The following SSBP3 variants were observed in gnomAD, a reference collection of about 807,000 sequenced individuals.
The protein encoded by SSBP3 is single-stranded DNA-binding protein 3.
A neutral mutation model predicts 69.6 loss-of-function variants in SSBP3; 5 were observed. That is an observed-to-expected ratio of 0.07 (90% CI 0.04 to 0.15). The LOEUF is 0.15. SSBP3 is among the 10% of genes least tolerant of loss of function. The pLI is 1.00. For synonymous variants in SSBP3, 196 were observed against 193.4 expected (o/e 1.01, Z -0.11); for missense variants, 312 against 534.0 (o/e 0.58, Z 4.10).
intron 4 of SSBP3, chr1:54,356,453 G>C (rs1204539302): frequency 6.6e-6 from 1 of 152,232 alleles, no homozygotes; most frequent in Non-Finnish European, 1.5e-5. Context: ...AAGGAGATGG[G>C]AATAAACAAT....
At chr1:54,253,816 G>A (rs1272993672) in intron 7 of SSBP3, among the ~76,000 whole-genome samples, 1 of 152,232 alleles carries the variant, frequency 6.6e-6, no homozygotes, top group Non-Finnish European at 1.5e-5. Flanking sequence ...CCCAGACAGT[G>A]CAGCCATGGG....
At chr1:54,261,546 AGAG>A (rs1242838682) in intron 5 of SSBP3, among the ~76,000 whole-genome samples, 2 of 152,142 alleles carry the variant, frequency 1.3e-5, no homozygotes, top group Non-Finnish European at 2.9e-5. Flanking sequence ...GTGGAAGGTG[AGAG>A]GAGGAGGGAG....
At chr1:54,409,864 T>C (rs1649943431), upstream of SSBP3, among the ~76,000 whole-genome samples, 1 of 152,202 alleles carries the variant, frequency 6.6e-6, no homozygotes, top group Non-Finnish European at 1.5e-5. Context: ...CCTTACCCCG[T>C]GGAACTTACA....
intron 4 of SSBP3, among the ~76,000 whole-genome samples, chr1:54,288,259 C>T (rs1390731703): frequency 5.3e-5 from 8 of 152,274 alleles, no homozygotes; most frequent in South Asian, 2.1e-4. Context: ...CCAGCTCTGG[C>T]GGCAAACCAC....
intron 4 of SSBP3, among the ~76,000 whole-genome samples, chr1:54,295,031 A>T (rs1267774887): frequency 6.6e-6 from 1 of 152,134 alleles, no homozygotes; most frequent in African/African-American, 2.4e-5. Flanking sequence ...TGGTTTTTGC[A>T]ATCAGAGACA....
chr1:54,329,997 A>G (rs2100443026), intron 4 of SSBP3, among the ~76,000 whole-genome samples: 1 of 152,294 alleles, frequency 6.6e-6, no homozygotes, highest in East Asian at 1.9e-4. Context: ...GCACGTTCAC[A>G]CCTGGCGCCC....
chr1:54,278,795 C>G (rs914629469), intron 5 of SSBP3, among the ~76,000 whole-genome samples: 2 of 152,266 alleles, frequency 1.3e-5, no homozygotes, highest in African/African-American at 4.8e-5. Flanking sequence ...CTTGGCCAAG[C>G]AGGGGAAGGA....
At chr1:54,382,407 A>G (rs1445644877) in intron 4 of SSBP3, among the ~76,000 whole-genome samples, 2 of 152,158 alleles carry the variant, frequency 1.3e-5, no homozygotes, top group Non-Finnish European at 2.9e-5. Context: ...AACCCCAGAT[A>G]AAGGGGAGGA....
At chr1:54,257,976 G>C (rs1644951935) in intron 6 of SSBP3, 93 bp downstream of exon 6, 23 of 1,247,868 alleles carry the variant, frequency 1.8e-5, no homozygotes, top group Non-Finnish European at 2.3e-5. Flanking sequence ...GCAGTGGCTA[G>C]AGCACATTTT....
At chr1:54,397,873 C>A (rs1649005914) in intron 4 of SSBP3, among the ~76,000 whole-genome samples, 1 of 152,182 alleles carries the variant, frequency 6.6e-6, no homozygotes, top group Non-Finnish European at 1.5e-5. Flanking sequence ...CCACAACAAA[C>A]CCCCTTCCCA....
intron 4 of SSBP3, among the ~76,000 whole-genome samples, chr1:54,384,454 G>A (rs756535984): frequency 1.3e-5 from 2 of 152,256 alleles, no homozygotes; most frequent in Non-Finnish European, 2.9e-5. Context: ...GCCAACAAAT[G>A]TTGAGTGGGG....
At chr1:54,257,983 T>C in intron 6 of SSBP3, 86 bp downstream of exon 6, 1 of 1,309,284 alleles carries the variant, frequency 7.6e-7, no homozygotes, top group South Asian at 1.4e-5. Flanking sequence ...CTAGAGCACA[T>C]TTTGATTTTT....
intron 4 of SSBP3, among the ~76,000 whole-genome samples, chr1:54,315,092 G>A (rs751414055): frequency 6.6e-6 from 1 of 152,130 alleles, no homozygotes; most frequent in African/African-American, 2.4e-5. Context: ...TATTCCCACT[G>A]AGCTTGGTGC....
chr1:54,226,904 G>C (rs1644293753), exon 18 of SSBP3: 1 of 558,182 alleles, frequency 1.8e-6, no homozygotes, highest in East Asian at 3.2e-5. Context: ...ATACATTTTT[G>C]AGAGTTTTGT....
chr1:54,252,428 G>A (rs1015120242), intron 7 of SSBP3, among the ~76,000 whole-genome samples: 2 of 152,220 alleles, frequency 1.3e-5, no homozygotes, highest in African/African-American at 4.8e-5. Flanking sequence ...ACAGGCCTGC[G>A]GGCTCCCAGT....
chr1:54,342,310 A>G (rs989995012), intron 4 of SSBP3, among the ~76,000 whole-genome samples: 1 of 152,190 alleles, frequency 6.6e-6, no homozygotes, highest in Non-Finnish European at 1.5e-5. Flanking sequence ...TTGTTTTTAA[A>G]CCAGGGCCTT....
intron 14 of SSBP3, chr1:54,237,915 G>A (rs778532684): frequency 1.7e-5 from 6 of 352,686 alleles, no homozygotes; most frequent in African/African-American, 4.3e-5. Context: ...GCAACATGGC[G>A]ACAGTGACCA....
intron 12 of SSBP3, 117 bp downstream of exon 12, chr1:54,241,356 TG>T: frequency 8.6e-7 from 1 of 1,166,948 alleles, no homozygotes; most frequent in Non-Finnish European, 1.3e-6. Flanking sequence ...TCTAGCAGTT[TG>T]GAACCTCTGC....
intron 4 of SSBP3, among the ~76,000 whole-genome samples, chr1:54,368,336 AT>A (rs1260856570): frequency 6.6e-6 from 1 of 150,578 alleles, no homozygotes; most frequent in African/African-American, 2.5e-5. Context: ...GGAGGGACCC[AT>A]GGGAGCCCTT....
Sources: allele counts gnomAD v4.1 joint callset (sites outside exome capture counted in the v4.1 genomes callset), GRCh38; gene constraint gnomAD v4.1.1; transcripts MANE v1.5; gene names NCBI Gene and HGNC (gene_info 2026-07-23, HGNC 2026-07-21).